MYOF: variants seen among roughly 807,000 people sequenced by gnomAD.
MYOF encodes myoferlin, also known as fer-1-like 3, myoferlin.
A neutral mutation model predicts 284.2 loss-of-function variants in MYOF; 244 were observed. That is an observed-to-expected ratio of 0.86 (90% confidence interval 0.77 to 0.95). MYOF has a LOEUF of 0.95. MYOF is among the 40% of genes least tolerant of loss of function. The pLI is 0.00. For missense variants in MYOF, 2,496 were observed against 2,560.6 expected, an observed-to-expected ratio of 0.97 and a Z score of 0.54; for synonymous variants, 904 against 919.7, an observed-to-expected ratio of 0.98 and a Z score of 0.31.
intron 43 of MYOF, among the ~76,000 whole-genome samples, 188 bp downstream of exon 43, chr10:93,333,033 T>C (rs1234523169): frequency 6.6e-6 from 1 of 152,186 alleles, no homozygotes; most frequent in Non-Finnish European, 1.5e-5. Context: ...AGAACCAAGC[T>C]TCTTCACTTC....
chr10:93,468,776 C>T (rs1214666495), intron 1 of MYOF, among the ~76,000 whole-genome samples: 2 of 152,190 alleles, frequency 1.3e-5, no homozygotes, highest in East Asian at 3.8e-4. Flanking sequence ...CTTTAGCAAG[C>T]TGGGCTGGTT....
intron 45 of MYOF, among the ~76,000 whole-genome samples, chr10:93,328,184 C>T (rs768523712): frequency 7.9e-5 from 12 of 152,192 alleles, no homozygotes; most frequent in Admixed American, 3.9e-4. Context: ...GCCACCGCCC[C>T]CTCTGGGTAA....
At chr10:93,406,288 T>A (rs866673415) in intron 7 of MYOF, among the ~76,000 whole-genome samples, 2 of 58,148 alleles carry the variant, frequency 3.4e-5, no homozygotes, top group East Asian at 2.1e-3. Context: ...TAAACCTCTT[T>A]TATATATATA....
intron 3 of MYOF, among the ~76,000 whole-genome samples, chr10:93,449,117 T>C (rs1262656697): frequency 6.6e-6 from 1 of 152,190 alleles, no homozygotes; most frequent in East Asian, 1.9e-4. Context: ...TGAAATGTGG[T>C]AAGTCTCTGA....
At chr10:93,372,887 T>G in intron 24 of MYOF, 43 bp downstream of exon 24, 1 of 1,609,836 alleles carries the variant, frequency 6.2e-7, no homozygotes, top group South Asian at 1.1e-5. Context: ...GAATACAGCT[T>G]TTGCATTTAG....
intron 38 of MYOF, among the ~76,000 whole-genome samples, chr10:93,341,569 G>T (rs896316223): frequency 3.3e-5 from 5 of 152,156 alleles, no homozygotes; most frequent in Non-Finnish European, 5.9e-5. Flanking sequence ...AAGCCACTGT[G>T]CCCGGCCTAA....
intron 38 of MYOF, chr10:93,341,929 G>A (rs1843938078): frequency 7.8e-7 from 1 of 1,289,822 alleles, no homozygotes; most frequent in South Asian, 1.2e-5. Flanking sequence ...TGTCGCTGGA[G>A]AAGCCATTTT....
intron 43 of MYOF, among the ~76,000 whole-genome samples, chr10:93,331,684 G>A (rs1843308957): frequency 6.9e-6 from 1 of 144,888 alleles, no homozygotes; most frequent in African/African-American, 2.5e-5. Flanking sequence ...ATGGCCTTGG[G>A]TGTGCAGCAT....
At chr10:93,354,176 G>A (rs575260067) in intron 31 of MYOF, among the ~76,000 whole-genome samples, 57 of 152,282 alleles carry the variant, frequency 3.7e-4, no homozygotes, top group South Asian at 1.0e-3. Flanking sequence ...GGAGTTAGGA[G>A]ACCAGCCTGG....
At chr10:93,373,198 T>C (rs1009892781) in intron 23 of MYOF, 113 bp from the exon 24 acceptor site, 2 of 1,246,628 alleles carry the variant, frequency 1.6e-6, no homozygotes, top group African/African-American at 3.0e-5. Context: ...AAAGAAACGC[T>C]GTGGTTAGGG....
At chr10:93,331,851 C>T (rs76518181) in intron 43 of MYOF, among the ~76,000 whole-genome samples, 1 of 152,104 alleles carries the variant, frequency 6.6e-6, no homozygotes, top group South Asian at 2.1e-4. Context: ...AAAATATATG[C>T]CACGCAGCAA....
At chr10:93,337,000 G>A (rs1843646419) in intron 40 of MYOF, among the ~76,000 whole-genome samples, 1 of 151,984 alleles carries the variant, frequency 6.6e-6, no homozygotes, top group Admixed American at 6.6e-5. Flanking sequence ...AGGGAAGAGG[G>A]AGTGAGGGAG....
chr10:93,343,913 TG>T lies in MYOF; in HGVS notation c.4268del (p.Pro1423HisfsTer21), dbSNP rs774328417. 1.2e-5 allele frequency: 19 copies of T among 1,613,992 alleles called. No homozygotes were observed. The highest frequency in any genetic ancestry group is 5.1e-6 in the Non-Finnish European group (6 of 1,180,012). On this transcript the variant is annotated frameshift_variant, in exon 38 of 54. Transcript: ENST00000359263. LOFTEE classifies it high-confidence loss of function. ...PQLKASLLSA[P>X]PCRDIVIEME... ...TTTCGATAACGATGTCCCGGCATGGTGGGGCAGACAGAAGGGAGGCTGCAAG... is the reference window on the plus strand; with the variant it reads ...TTTCGATAACGATGTCCCGGCATGGTGGGCAGACAGAAGGGAGGCTGCAAG...
intron 1 of MYOF, among the ~76,000 whole-genome samples, chr10:93,469,543 G>A (rs2057090046): frequency 6.6e-6 from 1 of 152,180 alleles, no homozygotes; most frequent in South Asian, 2.1e-4. Flanking sequence ...CCCAGACAAG[G>A]CCTCTGAGAC....
chr10:93,419,324 G>A (rs368159863), intron 5 of MYOF, among the ~76,000 whole-genome samples: 40 of 151,986 alleles, frequency 2.6e-4, no homozygotes, highest in African/African-American at 9.2e-4. Flanking sequence ...AACCACGCCC[G>A]GCTAATTTTT....
chr10:93,311,466 A>G (rs2133709877), intron 51 of MYOF, among the ~76,000 whole-genome samples: 1 of 151,470 alleles, frequency 6.6e-6, no homozygotes, highest in Non-Finnish European at 1.5e-5. Flanking sequence ...AAAAAAAAAA[A>G]AAAAAATTAG....
chr10:93,325,912 G>C lies in MYOF; in HGVS notation c.5185C>G (p.Leu1729Val), dbSNP rs998799746. 2.5e-6 allele frequency: 4 copies of C among 1,614,152 alleles called. No homozygotes were observed. In the Admixed American group the frequency reaches 5.0e-5, roughly 20 times the overall value. ...AGCCCCTGAGTCCTGAGGATGTGAA[G>C]AGCAAGCCGCTCTTCAGGGGCCCCG... ...HLGAPEERLA[L>V]HILRTQGLVP... is the part of the protein sequence containing the mutation. Residue 1729 changes from leucine to valine, a missense_variant, in exon 46 of 54, where the codon CTT becomes GTT. Transcript: ENST00000359263.
At chr10:93,356,637 C>T (rs374622577) in intron 30 of MYOF, 38 bp downstream of exon 30, 70 of 1,586,852 alleles carry the variant, frequency 4.4e-5, no homozygotes, top group Non-Finnish European at 5.6e-5. Context: ...ATTTTCTCTA[C>T]ACCAATATGA....
At chr10:93,323,021 C>T (rs532410278) in intron 48 of MYOF, 57 bp downstream of exon 48, 53 of 1,506,844 alleles carry the variant, frequency 3.5e-5, no homozygotes, top group South Asian at 2.4e-4. Context: ...TGAAAACTCA[C>T]GAAGGAGAGA....
Sources: allele counts gnomAD v4.1 joint callset (sites outside exome capture counted in the v4.1 genomes callset), GRCh38; gene constraint gnomAD v4.1.1; transcripts MANE v1.5; gene names NCBI Gene and HGNC (gene_info 2026-07-23, HGNC 2026-07-21).